Variants in RBFOX1 observed in about 807,000 individuals in gnomAD.
RBFOX1 encodes the protein RNA binding fox-1 homolog 1.
Under a neutral mutation model 57.7 loss-of-function variants are expected in RBFOX1, and 8 were observed. The observed-to-expected ratio is 0.14, with a 90% CI of 0.08 to 0.25. The LOEUF (loss-of-function observed/expected upper bound fraction) is 0.25, where lower values mean the gene tolerates loss of function less well. Ranked by LOEUF, RBFOX1 falls within the 10% of genes least tolerant of loss-of-function variation. The pLI is 1.00. For synonymous variants in RBFOX1, 326 were observed against 222.4 expected (o/e 1.47, Z -4.15); for missense variants, 611 against 548.5 (o/e 1.11, Z -1.14).
chr16:5,405,961 G>A (rs1376182427), intron 1 of RBFOX1, among the ~76,000 whole-genome samples: 1 of 152,180 alleles, frequency 6.6e-6, no homozygotes, highest in Non-Finnish European at 1.5e-5. Flanking sequence ...ATCGGGGACA[G>A]GGAAGCATGT....
At chr16:7,033,714 C>G (rs920178059) in intron 3 of RBFOX1, among the ~76,000 whole-genome samples, 2 of 152,114 alleles carry the variant, frequency 1.3e-5, no homozygotes, top group African/African-American at 4.8e-5. Flanking sequence ...GACATTTTGT[C>G]CGGGCGTGGC....
chr16:5,292,900 C>G (rs4786020), intron 1 of RBFOX1, among the ~76,000 whole-genome samples: 151,358 of 152,222 alleles, frequency 0.99, 75,257 homozygotes, highest in Middle Eastern at 1. Flanking sequence ...TGGGATTACA[C>G]GTGTGAGCCA....
chr16:7,506,032 A>G (rs2073150766), intron 4 of RBFOX1, among the ~76,000 whole-genome samples: 1 of 151,852 alleles, frequency 6.6e-6, no homozygotes, highest in Non-Finnish European at 1.5e-5. Context: ...AAAAATACAA[A>G]AAGATAGCCG....
Position 6,473,964 on chromosome 16 carries a change from A to T in RBFOX1, c.-64+156907A>T, listed in dbSNP as rs182038506. Reference sequence around the variant, plus strand: ...AGTGGATTTTTGTTTGGCTTCCTGGACCAGTTACTAGAGATAGTAATCTGA... The same window carrying T: ...AGTGGATTTTTGTTTGGCTTCCTGGTCCAGTTACTAGAGATAGTAATCTGA... On this transcript the variant is annotated intron_variant, in intron 2 of 15. Coordinates refer to ENST00000550418, the MANE Select transcript of RBFOX1 (RefSeq NM_018723.4). 3.2e-4 allele frequency among the ~76,000 whole-genome samples: 49 copies of T among 152,246 alleles called. No individual in the cohort carries two copies. In the East Asian group the frequency reaches 7.5e-3, roughly 23 times the overall value.
chr16:6,281,845 G>C (rs1285583167), intron 1 of RBFOX1, among the ~76,000 whole-genome samples: 1 of 152,028 alleles, frequency 6.6e-6, no homozygotes, highest in African/African-American at 2.4e-5. Context: ...CCAAAATCCC[G>C]CTGCCACTCT....
chr16:5,589,286 G>A (rs1375178409), intron 2 of RBFOX1, among the ~76,000 whole-genome samples: 1 of 152,160 alleles, frequency 6.6e-6, no homozygotes, highest in Admixed American at 6.5e-5. Flanking sequence ...TTTGTACAAG[G>A]AAGTGTGGTG....
At chr16:7,195,910 A>G (rs2086585024) in intron 4 of RBFOX1, among the ~76,000 whole-genome samples, 1 of 152,066 alleles carries the variant, frequency 6.6e-6, no homozygotes, top group Admixed American at 6.6e-5. Flanking sequence ...TGTGTCACTG[A>G]ATAAAGGTTA....
intron 4 of RBFOX1, among the ~76,000 whole-genome samples, chr16:7,230,579 G>A (rs758515830): frequency 1.3e-5 from 2 of 152,142 alleles, no homozygotes; most frequent in Non-Finnish European, 2.9e-5. Flanking sequence ...AGCAAGGTTC[G>A]TTTCATTTCC....
intron 4 of RBFOX1, among the ~76,000 whole-genome samples, chr16:7,111,722 G>T (rs1032643699): frequency 1.3e-5 from 2 of 151,712 alleles, no homozygotes; most frequent in African/African-American, 4.8e-5. Flanking sequence ...AAAGGACCTG[G>T]TCTTTATAAA....
At chr16:7,699,117 A>T (rs983437073) in intron 14 of RBFOX1, among the ~76,000 whole-genome samples, 3 of 152,196 alleles carry the variant, frequency 2.0e-5, no homozygotes, top group Admixed American at 6.5e-5. Context: ...GGAAATCTGC[A>T]TTCTAACAAG....
chr16:5,283,999 C>G (rs1378508306), intron 1 of RBFOX1, among the ~76,000 whole-genome samples: 1 of 152,102 alleles, frequency 6.6e-6, no homozygotes, highest in Non-Finnish European at 1.5e-5. Flanking sequence ...ATTGGAGGGA[C>G]CTAGTGGGAA....
chr16:7,626,030 G>T (rs574282538), intron 10 of RBFOX1, among the ~76,000 whole-genome samples: 1 of 152,222 alleles, frequency 6.6e-6, no homozygotes. Flanking sequence ...GCTGAACTCT[G>T]CCAGACAAAG....
At chr16:7,306,226 C>T (rs896744702) in intron 4 of RBFOX1, among the ~76,000 whole-genome samples, 1 of 152,154 alleles carries the variant, frequency 6.6e-6, no homozygotes, top group African/African-American at 2.4e-5. Flanking sequence ...TTGGCTTACT[C>T]ATTTGGGCAC....
intron 3 of RBFOX1, among the ~76,000 whole-genome samples, chr16:6,811,401 T>C (rs993437677): frequency 5.3e-5 from 8 of 152,242 alleles, no homozygotes; most frequent in African/African-American, 1.4e-4. Flanking sequence ...CTAGATAACA[T>C]TGAATATTTT....
chr16:7,146,725 G>T (rs564280497), intron 4 of RBFOX1, among the ~76,000 whole-genome samples: 2 of 151,930 alleles, frequency 1.3e-5, no homozygotes, highest in African/African-American at 4.8e-5. Context: ...GAGGCAGACA[G>T]ATCACTTGAG....
At chr16:6,376,302 G>T (rs1268218530) in intron 2 of RBFOX1, among the ~76,000 whole-genome samples, 1 of 151,088 alleles carries the variant, frequency 6.6e-6, no homozygotes. Context: ...TTTGTTGGTT[G>T]GTTGTTGTTG....
chr16:6,944,865 T>C (rs2079190871), intron 3 of RBFOX1, among the ~76,000 whole-genome samples: 1 of 152,154 alleles, frequency 6.6e-6, no homozygotes, highest in African/African-American at 2.4e-5. Context: ...CTCCAATTGA[T>C]TGATGATGGC....
intron 10 of RBFOX1, among the ~76,000 whole-genome samples, chr16:7,618,043 A>T (rs2058739234): frequency 6.6e-6 from 1 of 152,056 alleles, no homozygotes; most frequent in Admixed American, 6.6e-5. Flanking sequence ...TTCACCTGAT[A>T]CCTACTGATG....
chr16:5,330,471 C>T (rs536436711), intron 1 of RBFOX1, among the ~76,000 whole-genome samples: 16 of 152,170 alleles, frequency 1.1e-4, no homozygotes, highest in South Asian at 1.0e-3. Flanking sequence ...GGCATGACCT[C>T]GGCTCACTGC....
Sources: allele counts gnomAD v4.1 joint callset (sites outside exome capture counted in the v4.1 genomes callset), GRCh38; gene constraint gnomAD v4.1.1; transcripts MANE v1.5; gene names NCBI Gene and HGNC (gene_info 2026-07-23, HGNC 2026-07-21).